Variants in EPM2A observed in about 807,000 individuals in gnomAD.
The protein encoded by EPM2A is EPM2A glucan phosphatase, laforin.
EPM2A carries 21 observed loss-of-function variants against 26.5 expected under a neutral mutation model. That is an observed-to-expected ratio of 0.79 (90% CI 0.56 to 1.14). The LOEUF (loss-of-function observed/expected upper bound fraction) is 1.14, where lower values mean the gene tolerates loss of function less well. Ranked by LOEUF, EPM2A falls within the 50% of genes most tolerant of loss-of-function variation. The probability of loss-of-function intolerance (pLI) is 0.00; values close to 1 mark genes in which losing one functional copy is unlikely to be tolerated. For synonymous variants in EPM2A, 217 were observed against 177.6 expected, an observed-to-expected ratio of 1.22 and a Z score of -1.76; for missense variants, 458 against 440.8, an observed-to-expected ratio of 1.04 and a Z score of -0.35.
At chr6:145,550,727 T>C (rs1034399891) in intron 2 of EPM2A, among the ~76,000 whole-genome samples, 3 of 152,106 alleles carry the variant, frequency 2.0e-5, no homozygotes, top group African/African-American at 4.8e-5. Context: ...CTTTTAATGA[T>C]GATCTACTTC....
At chr6:145,494,783 T>C (rs1364579483) in intron 4 of EPM2A, among the ~76,000 whole-genome samples, 1 of 152,220 alleles carries the variant, frequency 6.6e-6, no homozygotes, top group Non-Finnish European at 1.5e-5. Flanking sequence ...TTCCATGTAA[T>C]ATATGGATTT....
chr6:145,526,098 T>C (rs1444661576), intron 2 of EPM2A, among the ~76,000 whole-genome samples: 1 of 152,162 alleles, frequency 6.6e-6, no homozygotes, highest in Non-Finnish European at 1.5e-5. Flanking sequence ...ATCACACTTA[T>C]TGATTTGTGT....
At chr6:145,521,702 G>C (rs1257045917) in intron 2 of EPM2A, among the ~76,000 whole-genome samples, 2 of 152,330 alleles carry the variant, frequency 1.3e-5, no homozygotes, top group African/African-American at 4.8e-5. Flanking sequence ...GTTGGTCCCA[G>C]TAGGGGTAGA....
intron 4 of EPM2A, among the ~76,000 whole-genome samples, chr6:145,420,855 AAGAGAGAGAGAG>A (rs34604534): frequency 1.3e-5 from 2 of 150,498 alleles, no homozygotes; most frequent in Non-Finnish European, 3.0e-5. Flanking sequence ...GAGAGATAGA[AAGAGAGAGAGAG>A]AGAGAGATCC....
chr6:145,457,353 G>A (rs936548621), intron 4 of EPM2A, among the ~76,000 whole-genome samples: 34 of 151,842 alleles, frequency 2.2e-4, no homozygotes, highest in African/African-American at 6.0e-4. Flanking sequence ...GCATGGTGGT[G>A]GGTGCCTGTA....
At chr6:145,624,770 C>G (rs1775711008), downstream of EPM2A, among the ~76,000 whole-genome samples, 1 of 152,146 alleles carries the variant, frequency 6.6e-6, no homozygotes, top group African/African-American at 2.4e-5. Context: ...TCATTACTTT[C>G]TTATCATTTC....
intron 2 of EPM2A, among the ~76,000 whole-genome samples, chr6:145,642,934 A>C (rs1319282275): frequency 1.3e-5 from 2 of 152,226 alleles, no homozygotes; most frequent in Admixed American, 6.5e-5. Context: ...AGTGACATGG[A>C]CTTAGAGCTT....
intron 2 of EPM2A, among the ~76,000 whole-genome samples, chr6:145,565,988 G>T (rs1381904606): frequency 6.6e-6 from 1 of 152,192 alleles, no homozygotes; most frequent in Non-Finnish European, 1.5e-5. Context: ...TTCCATATAA[G>T]AATGGATGTT....
chr6:145,671,518 T>C (rs970087652), intron 2 of EPM2A: 9 of 345,664 alleles, frequency 2.6e-5, no homozygotes. Flanking sequence ...GGTGTTAACC[T>C]TGATTATTTC....
chr6:145,449,332 GC>G (rs1163495077), intron 4 of EPM2A, among the ~76,000 whole-genome samples: 1 of 152,108 alleles, frequency 6.6e-6, no homozygotes, highest in African/African-American at 2.4e-5. Flanking sequence ...TTTTTACTGG[GC>G]CATGTGCAGT....
At chr6:145,629,596 C>A (rs993726297) in intron 3 of EPM2A, 1 of 152,290 alleles carries the variant, frequency 6.6e-6, no homozygotes, top group Non-Finnish European at 1.5e-5. Context: ...AATGGAGAGG[C>A]CTGCTCCACT....
intron 4 of EPM2A, among the ~76,000 whole-genome samples, chr6:145,430,390 A>G (rs560052534): frequency 6.6e-6 from 1 of 152,134 alleles, no homozygotes; most frequent in Admixed American, 6.6e-5. Flanking sequence ...ACCTGAGGTC[A>G]GGAATTCGAG....
At chr6:145,483,148 A>G (rs999958650) in intron 4 of EPM2A, among the ~76,000 whole-genome samples, 2 of 150,630 alleles carry the variant, frequency 1.3e-5, no homozygotes, top group Non-Finnish European at 3.0e-5. Context: ...TTTAAAAATC[A>G]AAACAGTGTC....
chr6:145,635,215 G>C, intron 3 of EPM2A, 30 bp downstream of exon 3: 1 of 1,613,766 alleles, frequency 6.2e-7, no homozygotes, highest in Non-Finnish European at 8.5e-7. Context: ...CTGAAATACA[G>C]CAAGGAGGCA....
chr6:145,461,055 G>A (rs974175315), intron 4 of EPM2A, among the ~76,000 whole-genome samples: 6 of 152,106 alleles, frequency 3.9e-5, no homozygotes, highest in African/African-American at 1.4e-4. Context: ...TTTCTCACCA[G>A]TTCCCTCATT....
In EPM2A at chr6:145,735,430, C is replaced by T. The variant is rs951254850; in HGVS notation, c.69G>A (p.Val23=). ...AACGCCCCAGCTCGGGCCGCGACCC[C>T]ACCACCAGCAGCTCCGGCCGGGCGC... The part of the protein sequence containing the change: ...VAGARPELLV[V]GSRPELGRWE... Residue 23 remains valine (V), a synonymous_variant, in exon 1 of 4, where the codon GTG becomes GTA. Coordinates refer to ENST00000367519, the MANE Select transcript of EPM2A (RefSeq NM_005670.4). The T allele has an allele frequency of 8.0e-7, 1 of 1,257,736 alleles. No individual in the cohort carries two copies. The highest frequency in any genetic ancestry group is 2.6e-5 in the South Asian group (1 of 38,672). 77.9% of individuals were successfully genotyped at this position (1,257,736 alleles called of 1,614,324 possible). A position where few individuals can be genotyped will look rare whatever the true frequency, so the allele number is the denominator to read the frequency against.
chr6:145,404,615 T>G (rs1778541795), intron 4 of EPM2A, among the ~76,000 whole-genome samples: 1 of 152,140 alleles, frequency 6.6e-6, no homozygotes, highest in Admixed American at 6.6e-5. Flanking sequence ...TTCAGTAAAT[T>G]TCTTTTAAAT....
At chr6:145,447,528 T>C (rs938086200) in intron 4 of EPM2A, among the ~76,000 whole-genome samples, 5 of 144,528 alleles carry the variant, frequency 3.5e-5, no homozygotes, top group African/African-American at 1.5e-4. Context: ...TTTTCAGTAT[T>C]TTTCCCAAAC....
At chr6:145,567,098 G>A (rs186150805) in intron 2 of EPM2A, among the ~76,000 whole-genome samples, 1 of 152,278 alleles carries the variant, frequency 6.6e-6, no homozygotes, top group Admixed American at 6.5e-5. Flanking sequence ...GGAAATAGGT[G>A]CAGCAGGAAG....
Sources: allele counts gnomAD v4.1 joint callset (sites outside exome capture counted in the v4.1 genomes callset), GRCh38; gene constraint gnomAD v4.1.1; transcripts MANE v1.5; gene names NCBI Gene and HGNC (gene_info 2026-07-23, HGNC 2026-07-21).